The following TUSC3 variants were observed in gnomAD, a reference collection of about 807,000 sequenced individuals.
TUSC3 encodes tumor suppressor candidate 3, also known as dolichyl-diphosphooligosaccharide--protein glycosyltransferase subunit TUSC3.
A neutral mutation model predicts 44.8 loss-of-function variants in TUSC3; 45 were observed. That is an observed-to-expected ratio of 1.00 (90% confidence interval 0.79 to 1.29). TUSC3 has a LOEUF of 1.29. TUSC3 is among the 50% of genes most tolerant of loss of function. The probability of loss-of-function intolerance (pLI) is 0.00; values close to 1 mark genes in which losing one functional copy is unlikely to be tolerated. For synonymous variants in TUSC3, 212 were observed against 152.9 expected (o/e 1.39, Z -2.85); for missense variants, 519 against 437.9 (o/e 1.19, Z -1.65).
chr8:15,581,318 C>T (rs982049696), intron 1 of TUSC3, among the ~76,000 whole-genome samples: 12 of 149,202 alleles, frequency 8.0e-5, no homozygotes, highest in African/African-American at 2.0e-4. Context: ...TCTCTCAGCT[C>T]GTCAAAGTCA....
At chr8:15,524,169 C>T (rs1049540508) in intron 2 of TUSC3, among the ~76,000 whole-genome samples, 6 of 151,664 alleles carry the variant, frequency 4.0e-5, no homozygotes, top group African/African-American at 7.3e-5. Context: ...CATATGTTAA[C>T]GGTTGTGATC....
intron 2 of TUSC3, among the ~76,000 whole-genome samples, chr8:15,494,177 T>G (rs1287777797): frequency 3.3e-5 from 5 of 152,158 alleles, no homozygotes; most frequent in Non-Finnish European, 7.4e-5. Flanking sequence ...TCAGATACAG[T>G]CGATGAAATA....
chr8:15,508,036 G>T (rs1203413981), intron 2 of TUSC3, among the ~76,000 whole-genome samples: 1 of 152,116 alleles, frequency 6.6e-6, no homozygotes, highest in East Asian at 1.9e-4. Context: ...GAAGCCAGGA[G>T]TTCACGGCCA....
intron 1 of TUSC3, among the ~76,000 whole-genome samples, chr8:15,607,391 A>G (rs1236503248): frequency 6.6e-6 from 1 of 152,182 alleles, no homozygotes; most frequent in Non-Finnish European, 1.5e-5. Flanking sequence ...TACAAACTAC[A>G]GTTATAATAC....
At chr8:15,554,629 G>GTC (rs1802174379) in intron 1 of TUSC3, among the ~76,000 whole-genome samples, 1 of 132,110 alleles carries the variant, frequency 7.6e-6, no homozygotes, top group South Asian at 2.5e-4. Flanking sequence ...TTGAGATGGA[G>GTC]TCTCACTCTG....
chr8:15,512,241 A>C (rs1013080693), intron 2 of TUSC3, among the ~76,000 whole-genome samples: 2 of 152,200 alleles, frequency 1.3e-5, no homozygotes, highest in African/African-American at 4.8e-5. Flanking sequence ...TTAACAATTA[A>C]ATTGGTGGAC....
At chr8:15,548,749 C>G (rs1233155899) in intron 1 of TUSC3, among the ~76,000 whole-genome samples, 3 of 151,868 alleles carry the variant, frequency 2.0e-5, no homozygotes, top group South Asian at 2.1e-4. Flanking sequence ...TTGCCCATGA[C>G]TGTACAACTT....
At chr8:15,445,931 G>A (rs1372245220) in intron 1 of TUSC3, among the ~76,000 whole-genome samples, 1 of 146,668 alleles carries the variant, frequency 6.8e-6, no homozygotes, top group Non-Finnish European at 1.5e-5. Flanking sequence ...TTCCGGACGG[G>A]GCGGCTGGCC....
chr8:15,434,425 C>CT (rs1554501209), intron 1 of TUSC3, among the ~76,000 whole-genome samples: 27 of 149,424 alleles, frequency 1.8e-4, no homozygotes, highest in African/African-American at 3.7e-4. Flanking sequence ...TGTGACTTTT[C>CT]TTTTTTTTAG....
chr8:15,714,276 G>A (rs1363435669), intron 6 of TUSC3, among the ~76,000 whole-genome samples: 1 of 152,094 alleles, frequency 6.6e-6, no homozygotes, highest in Non-Finnish European at 1.5e-5. Context: ...GTAAATCTGT[G>A]TAAATAACAA....
At chr8:15,686,398 T>A (rs1181139193) in intron 6 of TUSC3, among the ~76,000 whole-genome samples, 1 of 152,122 alleles carries the variant, frequency 6.6e-6, no homozygotes, top group Non-Finnish European at 1.5e-5. Flanking sequence ...AATTCAGTTG[T>A]GAGTAAAACT....
At chr8:15,632,144 C>T (rs1433406120) in intron 2 of TUSC3, among the ~76,000 whole-genome samples, 2 of 152,128 alleles carry the variant, frequency 1.3e-5, no homozygotes, top group East Asian at 1.9e-4. Context: ...CACTCCCGCA[C>T]CCCCATGCCA....
At chr8:15,476,715 C>G (rs1233617409) in intron 1 of TUSC3, among the ~76,000 whole-genome samples, 2 of 152,150 alleles carry the variant, frequency 1.3e-5, no homozygotes, top group East Asian at 1.9e-4. Flanking sequence ...GGAGCAGGCC[C>G]GAGCATAGGG....
At chr8:15,770,888 A>T (rs149073475), downstream of TUSC3, among the ~76,000 whole-genome samples, 109 of 152,334 alleles carry the variant, frequency 7.2e-4, 1 homozygote, top group East Asian at 0.019. Flanking sequence ...AATCTGAAAA[A>T]AGACATGAAG....
chr8:15,767,698 T>C (rs1812368261), downstream of TUSC3, among the ~76,000 whole-genome samples: 2 of 152,146 alleles, frequency 1.3e-5, no homozygotes, highest in Admixed American at 6.5e-5. Context: ...GAAATGGTGT[T>C]TGCTTTGACC....
chr8:15,754,191 C>G (rs116932507), intron 9 of TUSC3, among the ~76,000 whole-genome samples: 1 of 152,178 alleles, frequency 6.6e-6, no homozygotes, highest in East Asian at 1.9e-4. Context: ...ACAACACATA[C>G]TCCCGAAGGT....
At chr8:15,839,153 T>C in the TUSC3 span, among the ~76,000 whole-genome samples, 1 of 152,280 alleles carries the variant, frequency 6.6e-6, no homozygotes. Flanking sequence ...GATTTGGCTC[T>C]CTGTTTGTCT....
Position 15,474,800 on chromosome 8 carries a change from A to G in TUSC3, n.92-8586A>G, listed in dbSNP as rs543388301. ...ATTGAAAGTTTAGAAGTTGGTGTTTATTTCACAGTCCCACTTCTCACATTG... is the reference window on the plus strand; with the variant it reads ...ATTGAAAGTTTAGAAGTTGGTGTTTGTTTCACAGTCCCACTTCTCACATTG... On this transcript the variant is annotated intron_variant and non_coding_transcript_variant, in intron 1 of 5. Transcript: ENST00000503191. Among the ~76,000 whole-genome samples, 7 of 152,330 alleles carry G rather than the reference A, an allele frequency of 4.6e-5. No homozygotes were observed. The East Asian group carries it at 9.7e-4, about 21-fold the overall frequency.
chr8:15,814,859 T>G, the TUSC3 span, among the ~76,000 whole-genome samples: 1 of 152,152 alleles, frequency 6.6e-6, no homozygotes, highest in Admixed American at 6.5e-5. Flanking sequence ...TTCAAGTATA[T>G]AAATGTTGAT....
Sources: gnomAD v4.1 joint callset for allele counts (sites outside exome capture counted in the v4.1 genomes callset) on GRCh38, gnomAD v4.1.1 for gene constraint, MANE v1.5 for transcripts, NCBI Gene and HGNC (gene_info 2026-07-23, HGNC 2026-07-21) for gene names.